Variants in GALNT15 observed in about 807,000 individuals in gnomAD.
GALNT15 encodes UDP-GalNAc transferase T15.
A neutral mutation model predicts 66.8 loss-of-function variants in GALNT15; 67 were observed. The ratio of observed to expected loss-of-function variants is 1.00; its 90% CI spans 0.82 to 1.23. GALNT15 has a LOEUF of 1.23. Among genes scored for constraint, GALNT15 ranks in the 50% most tolerant of loss-of-function variants. GALNT15 has a pLI of 0.00. For synonymous variants in GALNT15, 313 were observed against 311.5 expected (o/e 1.00, Z -0.05); for missense variants, 827 against 804.3 (o/e 1.03, Z -0.34).
In GALNT15 at chr3:16,182,265, T is replaced by C. The variant is rs1224739149; in HGVS notation, c.539+6575T>C. 6.6e-6 allele frequency among the ~76,000 whole-genome samples: 1 copy of C among 152,028 alleles called. No individual in the cohort carries two copies. The highest frequency in any genetic ancestry group is 1.5e-5 in the Non-Finnish European group (1 of 68,006). On this transcript the variant is annotated intron_variant, in intron 1 of 9. Transcript: ENST00000339732. This position sits in a 1 kb window ranked among gnomAD's most constrained non-coding sequence, Gnocchi z 6.1. Reference sequence around the variant, plus strand: ...AGGTGATTTCCATTCATGTTAAAGTTTGAGAGCCATTATGAGGCCAGTGGT... The same window carrying C: ...AGGTGATTTCCATTCATGTTAAAGTCTGAGAGCCATTATGAGGCCAGTGGT...
chr3:16,200,631 C>G lies in GALNT15; in HGVS notation c.719C>G (p.Ser240Cys). ...CTGTTGATTCCAGGACAACTCAAGT[C>G]TGCTCTCAGCGAATATGTGGCCAGG... ...DDLSQQGQLK[S>C]ALSEYVARLE... The change falls in exon 3 of 10, where the codon TCT becomes TGT. Residue 240 changes from serine to cysteine, a missense_variant. Transcript: ENST00000339732. The surrounding 1 kb of genome is among the most constrained non-coding windows in gnomAD (Gnocchi z 4.4). The G allele has an allele frequency of 1.3e-6, 2 of 1,560,070 alleles. No homozygotes were observed. Among genetic ancestry groups the G allele is most frequent in the Non-Finnish European group, 1.7e-6 (2 of 1,152,348 alleles).
downstream of GALNT15, among the ~76,000 whole-genome samples, chr3:16,234,258 T>C (rs1505604): frequency 0.44 from 67,591 of 152,032 alleles, 15,200 homozygotes; most frequent in African/African-American, 0.52. Flanking sequence ...TCTGGTCTTA[T>C]AGCTTTAGCT....
rs2063455876 is a variant in GALNT15, at chr3:16,180,333, C to G, written c.539+4643C>G. 2.6e-5 allele frequency among the ~76,000 whole-genome samples: 4 copies of G among 152,184 alleles called. No individual in the cohort carries two copies. The highest frequency in any genetic ancestry group is 2.6e-4 in the Admixed American group (4 of 15,284). On this transcript the variant is annotated intron_variant, in intron 1 of 9. Transcript: ENST00000339732. This position sits in a 1 kb window ranked among gnomAD's most constrained non-coding sequence, Gnocchi z 5.0. ...TTAAGGTGCATGCGAATCTTCTAGG[C>G]ATCCTGTTAAAATGCAGTCAAATTC...
chr3:16,203,651 C>T lies in GALNT15; in HGVS notation c.911+2828C>T, dbSNP rs575683917. ...TCCTCTTTGGGTTCCATCTCTTCTG[C>T]GTGATGTGACCACATTTTCATCATC... On this transcript the variant is annotated intron_variant, in intron 3 of 9. Coordinates refer to ENST00000339732, the MANE Select transcript of GALNT15 (RefSeq NM_054110.5). The surrounding 1 kb of genome is among the most constrained non-coding windows in gnomAD (Gnocchi z 6.2). 2.0e-5 allele frequency among the ~76,000 whole-genome samples: 3 copies of T among 151,294 alleles called. No individual in the cohort carries two copies. The highest frequency in any genetic ancestry group is 2.9e-5 in the Non-Finnish European group (2 of 67,874).
intron 6 of GALNT15, among the ~76,000 whole-genome samples, chr3:16,215,051 T>G (rs1282544572): frequency 3.3e-5 from 5 of 152,222 alleles, no homozygotes; most frequent in Admixed American, 2.6e-4. Flanking sequence ...TAAAGAAGTG[T>G]TAAATGTTGC....
chr3:16,231,336 T>C (rs2064080079), downstream of GALNT15, among the ~76,000 whole-genome samples: 1 of 152,120 alleles, frequency 6.6e-6, no homozygotes, highest in African/African-American at 2.4e-5. This position sits in a 1 kb window ranked among gnomAD's most constrained non-coding sequence, Gnocchi z 4.1. Context: ...ATAATAATAG[T>C]CCCTCCAATC....
At chr3:16,241,834 C>T in the GALNT15 span, among the ~76,000 whole-genome samples, 1 of 152,198 alleles carries the variant, frequency 6.6e-6, no homozygotes, top group African/African-American at 2.4e-5. The surrounding 1 kb of genome is among the most constrained non-coding windows in gnomAD (Gnocchi z 4.6). Context: ...AGCCGTGAGC[C>T]ACCACACCCG....
At position 16,209,937 on chromosome 3, in the gene GALNT15, T is replaced by A. The variant is rs1310458528; in HGVS notation, c.1080-1187T>A. On this transcript the variant is annotated intron_variant, in intron 4 of 9. Coordinates refer to ENST00000339732, the MANE Select transcript of GALNT15 (RefSeq NM_054110.5). The surrounding 1 kb of genome is among the most constrained non-coding windows in gnomAD (Gnocchi z 4.1). ...ACTGCTTACTGTGAAAATATGTGTG[T>A]TTCATCAAAGAAATATTAGTATATT... 1.3e-5 allele frequency among the ~76,000 whole-genome samples: 2 copies of A among 152,220 alleles called. No individual in the cohort carries two copies. The highest frequency in any genetic ancestry group is 1.3e-4 in the Admixed American group (2 of 15,292).
At chr3:16,226,465 C>G (rs1246793579) in intron 9 of GALNT15, among the ~76,000 whole-genome samples, 3 of 152,148 alleles carry the variant, frequency 2.0e-5, no homozygotes, top group Non-Finnish European at 4.4e-5. Context: ...CTGAGGAGGC[C>G]TCAGGAAACT....
rs942214174 is a variant in GALNT15 at position 16,187,818 on chromosome 3, G to A, written c.540-7942G>A. Among the ~76,000 whole-genome samples the A allele has an allele frequency of 1.3e-5, 2 of 152,206 alleles. No homozygotes were observed. The highest frequency in any genetic ancestry group is 2.1e-4 in the South Asian group (1 of 4,834). ...TAATAATTCATGCTGCTAAAGCACA[G>A]CACCTGGTACATAGGACTCCTCATG... On this transcript the variant is annotated intron_variant, in intron 1 of 9. Transcript: ENST00000339732. This position sits in a 1 kb window ranked among gnomAD's most constrained non-coding sequence, Gnocchi z 5.1.
chr3:16,197,076 G>T (rs1005191861), intron 2 of GALNT15, among the ~76,000 whole-genome samples: 2 of 152,224 alleles, frequency 1.3e-5, no homozygotes, highest in Admixed American at 6.5e-5. Flanking sequence ...GACAGGGCTG[G>T]GTTGGCGGGT....
chr3:16,175,812 G>A lies in GALNT15; in HGVS notation c.539+122G>A. The A allele has an allele frequency of 1.1e-6, 1 of 886,760 alleles. No individual in the cohort carries two copies. The highest frequency in any genetic ancestry group is 3.6e-4 in the Middle Eastern group (1 of 2,796). 54.9% of individuals were successfully genotyped at this position (886,760 alleles called of 1,614,324 possible). ...ACTTAGAGCAAGTGCTTTTCAAGAT[G>A]CAGTACCTGGGCCAGCAGCGTCAGC... On this transcript the variant is annotated intron_variant, in intron 1 of 9. Coordinates refer to ENST00000339732, the MANE Select transcript of GALNT15 (RefSeq NM_054110.5). The surrounding 1 kb of genome is among the most constrained non-coding windows in gnomAD (Gnocchi z 5.6).
chr3:16,240,991 AC>A, the GALNT15 span, among the ~76,000 whole-genome samples: 2 of 152,136 alleles, frequency 1.3e-5, no homozygotes, highest in African/African-American at 4.8e-5. Flanking sequence ...TTCCCTCTGC[AC>A]AGAATGCCCT....
Position 16,229,717 on chromosome 3 carries a change from T to A in GALNT15, c.*2217T>A, listed in dbSNP as rs1440450876. On this transcript the variant is annotated 3_prime_UTR_variant, in exon 10 of 10. Transcript: ENST00000339732. ...TTGAAGTTGCTGGGATAAATTAATA[T>A]AATTAAATAAAAGACTGAATTTAAT... 25 of 975,698 alleles carry A rather than the reference T, an allele frequency of 2.6e-5. No homozygotes were observed. Among genetic ancestry groups the A allele is most frequent in the Non-Finnish European group, 3.0e-5 (25 of 821,054 alleles). The allele number at this position is 975,698 out of a possible 1,614,324, so 60.4% of individuals were successfully genotyped here.
chr3:16,245,209 C>G, the GALNT15 span, among the ~76,000 whole-genome samples: 2 of 152,188 alleles, frequency 1.3e-5, no homozygotes, highest in East Asian at 3.9e-4. Context: ...TTTAACGTGT[C>G]CTTATATTGG....
chr3:16,212,734 C>G lies in GALNT15; in HGVS notation c.1363C>G (p.His455Asp). The G allele has an allele frequency of 6.2e-7, 1 of 1,613,694 alleles. No homozygotes were observed. Among genetic ancestry groups the G allele is most frequent in the East Asian group, 2.2e-5 (1 of 44,884 alleles). Residue 455 changes from histidine to aspartate, a missense_variant, in exon 6 of 10, where the codon CAT becomes GAT. By Grantham distance (81) the His-to-Asp change is moderately conservative (BLOSUM62 -1). Coordinates refer to ENST00000339732, the MANE Select transcript of GALNT15 (RefSeq NM_054110.5). The stretch of plus-strand genomic sequence containing the variant: ...GTCATTCAAAGAAACCTTCTACAAG[C>G]ATAGCCCAGAGGCCTTCTCCTTGAG... ...LGSFKETFYK[H>D]SPEAFSLSKA...
downstream of GALNT15, chr3:16,231,916 C>G: frequency 1.3e-6 from 2 of 1,534,832 alleles, no homozygotes; most frequent in Non-Finnish European, 1.7e-6. This position sits in a 1 kb window ranked among gnomAD's most constrained non-coding sequence, Gnocchi z 4.1. Flanking sequence ...AAGGCACTGC[C>G]GATCACTCTC....
Position 16,204,967 on chromosome 3 carries a change from G to A in GALNT15, c.912-3536G>A, listed in dbSNP as rs985500426. On this transcript the variant is annotated intron_variant, in intron 3 of 9. Transcript: ENST00000339732. This position sits in a 1 kb window ranked among gnomAD's most constrained non-coding sequence, Gnocchi z 4.5. ...CATGTGCGTGCGTGTGTGTGTGCGC[G>A]CGCATGTGCGCGTCAAGGAGCAGCA... Among the ~76,000 whole-genome samples, 7 of 152,204 alleles carry A rather than the reference G, an allele frequency of 4.6e-5. No individual in the cohort carries two copies. The highest frequency in any genetic ancestry group is 2.0e-4 in the Admixed American group (3 of 15,292).
At chr3:16,230,685 CTTA>C (rs1334451690), downstream of GALNT15, among the ~76,000 whole-genome samples, 1 of 152,166 alleles carries the variant, frequency 6.6e-6, no homozygotes, top group Non-Finnish European at 1.5e-5. The surrounding 1 kb of genome is among the most constrained non-coding windows in gnomAD (Gnocchi z 4.5). Flanking sequence ...CACAACTCTA[CTTA>C]TTATGCACAC....
Sources: allele counts gnomAD v4.1 joint callset (sites outside exome capture counted in the v4.1 genomes callset), GRCh38; gene constraint gnomAD v4.1.1; non-coding constraint Gnocchi (gnomAD v3.1); transcripts MANE v1.5; gene names NCBI Gene and HGNC (gene_info 2026-07-23, HGNC 2026-07-21).